The following CTNNA3 variants were observed in gnomAD, a reference collection of about 807,000 sequenced individuals.
The protein encoded by CTNNA3 is catenin alpha-3.
CTNNA3 carries 76 observed loss-of-function variants against 95.7 expected under a neutral mutation model. The ratio of observed to expected loss-of-function variants is 0.79; its 90% CI spans 0.66 to 0.96. The LOEUF is 0.96. Ranked by LOEUF, CTNNA3 falls within the 40% of genes least tolerant of loss-of-function variation. The pLI is 0.00. For missense variants in CTNNA3, 1,191 were observed against 1,089.8 expected, an observed-to-expected ratio of 1.09 and a Z score of -1.31; for synonymous variants, 431 against 374.4, an observed-to-expected ratio of 1.15 and a Z score of -1.74.
chr10:66,467,637 G>T (rs1300617722), intron 11 of CTNNA3, among the ~76,000 whole-genome samples: 1 of 152,026 alleles, frequency 6.6e-6, no homozygotes, highest in Non-Finnish European at 1.5e-5. Context: ...AACTTTTGTT[G>T]TGTATGTGTG....
chr10:66,430,925 C>T (rs2093289300), intron 11 of CTNNA3, among the ~76,000 whole-genome samples: 1 of 152,106 alleles, frequency 6.6e-6, no homozygotes, highest in African/African-American at 2.4e-5. Flanking sequence ...AACTAAAGAG[C>T]TTCTGCACAG....
At chr10:66,702,562 C>T (rs1336173452) in intron 9 of CTNNA3, among the ~76,000 whole-genome samples, 5 of 151,554 alleles carry the variant, frequency 3.3e-5, no homozygotes, top group Non-Finnish European at 7.4e-5. Flanking sequence ...AAAAATTAGC[C>T]GGGCATGGTG....
chr10:66,689,151 A>G (rs902899910), intron 9 of CTNNA3, among the ~76,000 whole-genome samples: 1 of 152,016 alleles, frequency 6.6e-6, no homozygotes, highest in African/African-American at 2.4e-5. Context: ...ATCCAAAATT[A>G]GGAGAACTTG....
Position 67,660,906 on chromosome 10 carries a change from G to A in CTNNA3, c.-5-13388C>T, listed in dbSNP as rs527591375. Among the ~76,000 whole-genome samples the A allele has an allele frequency of 4.5e-4, 68 of 150,520 alleles. No individual in the cohort carries two copies. The East Asian group carries it at 0.012, about 28-fold the overall frequency. On this transcript the variant is annotated intron_variant, in intron 1 of 17. Coordinates refer to ENST00000433211, the MANE Select transcript of CTNNA3 (RefSeq NM_013266.4). ...AGATCGCGCCACTGCACTCCAGCCT[G>A]GGCGACAGAGCAAGACTCCGTCTCA...
intron 7 of CTNNA3, among the ~76,000 whole-genome samples, chr10:66,843,113 G>A (rs1341821815): frequency 1.3e-5 from 2 of 152,178 alleles, no homozygotes; most frequent in Non-Finnish European, 2.9e-5. Context: ...GGACGTGGAT[G>A]TAGATTGGCA....
At chr10:66,303,127 A>C (rs558353670) in intron 12 of CTNNA3, among the ~76,000 whole-genome samples, 1 of 152,308 alleles carries the variant, frequency 6.6e-6, no homozygotes, top group African/African-American at 2.4e-5. Flanking sequence ...TACAAGCCTT[A>C]TTTTAAAATA....
chr10:66,452,517 C>T (rs114079432), intron 11 of CTNNA3, among the ~76,000 whole-genome samples: 1 of 152,056 alleles, frequency 6.6e-6, no homozygotes, highest in African/African-American at 2.4e-5. Flanking sequence ...TAGTTTATGG[C>T]CTAACTTTGG....
chr10:66,302,088 G>T (rs770533130), intron 12 of CTNNA3, among the ~76,000 whole-genome samples: 3 of 151,932 alleles, frequency 2.0e-5, no homozygotes, highest in South Asian at 2.1e-4. Flanking sequence ...CCAAAAAAGA[G>T]ATACTTAGTA....
upstream of CTNNA3, among the ~76,000 whole-genome samples, chr10:67,700,442 G>A (rs1045928362): frequency 1.3e-5 from 2 of 152,170 alleles, no homozygotes; most frequent in African/African-American, 4.8e-5. Flanking sequence ...GCAGAGGAAC[G>A]ATCAGACAGC....
chr10:66,241,219 A>G (rs1406193545), intron 13 of CTNNA3, among the ~76,000 whole-genome samples: 1 of 152,152 alleles, frequency 6.6e-6, no homozygotes, highest in African/African-American at 2.4e-5. Context: ...AAAATTGAGT[A>G]AGGTCAATGA....
intron 13 of CTNNA3, among the ~76,000 whole-genome samples, chr10:66,166,626 T>A (rs183649427): frequency 6.0e-4 from 92 of 152,086 alleles, no homozygotes; most frequent in African/African-American, 2.1e-3. Flanking sequence ...TGTTTCCAAA[T>A]CTCTATGTGG....
At chr10:67,430,521 T>G (rs1218120833) in intron 5 of CTNNA3, among the ~76,000 whole-genome samples, 1 of 151,914 alleles carries the variant, frequency 6.6e-6, no homozygotes, top group Non-Finnish European at 1.5e-5. Context: ...ATGATATATT[T>G]AATAGTACCC....
At chr10:66,810,974 T>C (rs917313268) in intron 7 of CTNNA3, among the ~76,000 whole-genome samples, 1 of 152,168 alleles carries the variant, frequency 6.6e-6, no homozygotes, top group Non-Finnish European at 1.5e-5. Flanking sequence ...GCAGAGTATA[T>C]TGTACCATGT....
At chr10:67,140,981 C>T (rs1332234815) in intron 7 of CTNNA3, among the ~76,000 whole-genome samples, 1 of 152,136 alleles carries the variant, frequency 6.6e-6, no homozygotes, top group South Asian at 2.1e-4. Context: ...CATAGAAATG[C>T]TATTAAAATG....
intron 11 of CTNNA3, among the ~76,000 whole-genome samples, chr10:66,420,403 A>G (rs1197669722): frequency 6.6e-6 from 1 of 152,118 alleles, no homozygotes; most frequent in East Asian, 1.9e-4. Flanking sequence ...GAGAGTGTCT[A>G]TTATTAAAAA....
At chr10:67,649,241 C>T (rs1317820461) in intron 1 of CTNNA3, among the ~76,000 whole-genome samples, 3 of 152,166 alleles carry the variant, frequency 2.0e-5, no homozygotes, top group African/African-American at 7.2e-5. Context: ...TTTGGTGAAC[C>T]TTCGCAGCCT....
At chr10:66,444,548 C>A (rs558492632) in intron 11 of CTNNA3, among the ~76,000 whole-genome samples, 10 of 152,198 alleles carry the variant, frequency 6.6e-5, no homozygotes, top group Middle Eastern at 3.4e-3. Context: ...GAATTTTCAA[C>A]CCAGAATTTC....
intron 7 of CTNNA3, among the ~76,000 whole-genome samples, chr10:67,021,824 T>G (rs2133075776): frequency 6.6e-6 from 1 of 152,212 alleles, no homozygotes; most frequent in East Asian, 1.9e-4. Flanking sequence ...TGAAAGGAAG[T>G]ACTATAAAGG....
At chr10:66,276,614 A>G (rs1011735829) in intron 13 of CTNNA3, among the ~76,000 whole-genome samples, 2 of 152,142 alleles carry the variant, frequency 1.3e-5, no homozygotes, top group African/African-American at 4.8e-5. Flanking sequence ...GATGTTAATA[A>G]GCATAAGTAT....
Sources: allele counts gnomAD v4.1 joint callset (sites outside exome capture counted in the v4.1 genomes callset), GRCh38; gene constraint gnomAD v4.1.1; transcripts MANE v1.5; gene names NCBI Gene and HGNC (gene_info 2026-07-23, HGNC 2026-07-21).